The following SYT16 variants were observed in gnomAD, a reference collection of about 807,000 sequenced individuals.
SYT16 encodes synaptotagmin-16.
SYT16 carries 42 observed loss-of-function variants against 61.4 expected under a neutral mutation model. That is an observed-to-expected ratio of 0.68 (90% CI 0.53 to 0.89). The LOEUF (loss-of-function observed/expected upper bound fraction) is 0.89. Ranked by LOEUF, SYT16 falls within the 40% of genes least tolerant of loss-of-function variation. SYT16 has a pLI of 0.00. For synonymous variants in SYT16, 314 were observed against 302.3 expected, an observed-to-expected ratio of 1.04 and a Z score of -0.40; for missense variants, 804 against 807.3, an observed-to-expected ratio of 1.00 and a Z score of 0.05.
intron 2 of SYT16, among the ~76,000 whole-genome samples, chr14:61,993,240 A>G (rs1438641722): frequency 6.6e-6 from 1 of 151,492 alleles, no homozygotes. Context: ...AGGAAGGGGA[A>G]CATCACACAC....
intron 1 of SYT16, among the ~76,000 whole-genome samples, chr14:61,880,023 C>A (rs150837316): frequency 6.6e-6 from 1 of 152,324 alleles, no homozygotes; most frequent in African/African-American, 2.4e-5. Context: ...ATCATCGAAT[C>A]CAGCACCCCA....
chr14:61,820,002 T>G (rs1400681050), intron 1 of SYT16, among the ~76,000 whole-genome samples: 1 of 152,198 alleles, frequency 6.6e-6, no homozygotes, highest in Admixed American at 6.5e-5. Flanking sequence ...TACCTCATAT[T>G]ATGAGAACAA....
At chr14:62,075,428 T>C (rs754112207) in intron 5 of SYT16, 37 bp downstream of exon 5, 2 of 1,564,594 alleles carry the variant, frequency 1.3e-6, no homozygotes, top group East Asian at 2.3e-5. Flanking sequence ...ATTGGTTCCC[T>C]TTCCCCTTCC....
intron 1 of SYT16, among the ~76,000 whole-genome samples, chr14:61,814,355 G>A (rs1217217884): frequency 6.6e-6 from 1 of 152,158 alleles, no homozygotes; most frequent in Non-Finnish European, 1.5e-5. Flanking sequence ...GAGATCATGA[G>A]ATTTGGCCTT....
At chr14:61,883,118 C>G (rs1437776280) in intron 1 of SYT16, among the ~76,000 whole-genome samples, 2 of 152,212 alleles carry the variant, frequency 1.3e-5, no homozygotes, top group African/African-American at 4.8e-5. Context: ...CCCTCCTAGA[C>G]TTCCAGGCCT....
chr14:61,973,508 G>A (rs1176269516), intron 2 of SYT16, among the ~76,000 whole-genome samples: 1 of 152,126 alleles, frequency 6.6e-6, no homozygotes, highest in African/African-American at 2.4e-5. Flanking sequence ...ATGGATATCA[G>A]TTGGAACAAA....
At chr14:61,897,292 A>G (rs2140350511) in intron 1 of SYT16, 1 of 152,362 alleles carries the variant, frequency 6.6e-6, no homozygotes, top group Admixed American at 6.5e-5. Flanking sequence ...TGGAAGCAGC[A>G]TGAAATGAAG....
intron 1 of SYT16, among the ~76,000 whole-genome samples, chr14:61,934,276 A>AT (rs1183622290): frequency 1.3e-5 from 2 of 152,092 alleles, no homozygotes; most frequent in African/African-American, 2.4e-5. Flanking sequence ...CTCTGCTTAC[A>AT]TTTTTTTGTA....
intron 4 of SYT16, among the ~76,000 whole-genome samples, chr14:62,070,247 A>G (rs1170986620): frequency 6.6e-6 from 1 of 152,216 alleles, no homozygotes; most frequent in Non-Finnish European, 1.5e-5. Flanking sequence ...TCCGGAAGAT[A>G]TTTTGAAGCC....
chr14:62,078,149 C>CTATATA (rs1335844073), intron 5 of SYT16, among the ~76,000 whole-genome samples: 32 of 113,006 alleles, frequency 2.8e-4, no homozygotes, highest in African/African-American at 1.4e-3. Context: ...CTCTCTCTCT[C>CTATATA]TCTCTCTATA....
intron 1 of SYT16, among the ~76,000 whole-genome samples, chr14:61,845,678 A>G (rs1030667075): frequency 6.6e-6 from 1 of 151,890 alleles, no homozygotes; most frequent in Admixed American, 6.6e-5. Flanking sequence ...CTTCATTTCA[A>G]ATTTATTTCC....
intron 3 of SYT16, among the ~76,000 whole-genome samples, chr14:62,050,923 C>A (rs2055251785): frequency 6.6e-6 from 1 of 152,152 alleles, no homozygotes; most frequent in Non-Finnish European, 1.5e-5. Context: ...GGGTCAGGGA[C>A]CCACTTGAGG....
rs373176983 is a variant in SYT16, at chr14:61,901,596, C to T, written c.-324-68536C>T. On this transcript the variant is annotated intron_variant, in intron 1 of 7. Coordinates refer to ENST00000683842, the MANE Select transcript of SYT16 (RefSeq NM_001367656.1). Reference sequence around the variant, plus strand: ...TTCTTAACTTAATAATTCTGGGTTCCCCCTGTATCCCCATGCATTAGTTGA... The same window carrying T: ...TTCTTAACTTAATAATTCTGGGTTCTCCCTGTATCCCCATGCATTAGTTGA... Among the ~76,000 whole-genome samples the T allele has an allele frequency of 2.4e-4, 36 of 152,038 alleles. No individual in the cohort carries two copies. In the East Asian group the frequency reaches 5.0e-3, roughly 21 times the overall value.
chr14:61,900,642 G>A (rs890691032), intron 1 of SYT16, among the ~76,000 whole-genome samples: 5 of 152,130 alleles, frequency 3.3e-5, no homozygotes, highest in African/African-American at 7.2e-5. Context: ...AAGCAGCTCC[G>A]AAAGGGCAGG....
At position 62,076,760 on chromosome 14, in the gene SYT16, C is replaced by T. The variant is rs534875184; in HGVS notation, c.993+1369C>T. Among the ~76,000 whole-genome samples, 4 of 152,350 alleles carry T rather than the reference C, an allele frequency of 2.6e-5. No homozygotes were observed. In the South Asian group the frequency reaches 8.3e-4, roughly 32 times the overall value. On this transcript the variant is annotated intron_variant, in intron 5 of 7. Transcript: ENST00000683842. ...CTAACTCTTAAAAAATATTTTGAAT[C>T]TCTCTCCCAAAAACAAAACAGACCA...
At chr14:61,946,743 C>T (rs2050453788) in intron 1 of SYT16, among the ~76,000 whole-genome samples, 1 of 152,008 alleles carries the variant, frequency 6.6e-6, no homozygotes, top group Non-Finnish European at 1.5e-5. Context: ...AGGACTAGGT[C>T]CTATTCTGTG....
intron 1 of SYT16, among the ~76,000 whole-genome samples, chr14:61,969,666 G>A (rs749790581): frequency 4.6e-5 from 7 of 152,110 alleles, no homozygotes; most frequent in South Asian, 2.1e-4. Flanking sequence ...CCCTCCAATC[G>A]CTAATATTGG....
intron 2 of SYT16, among the ~76,000 whole-genome samples, chr14:61,992,055 C>T (rs1047643251): frequency 3.3e-5 from 5 of 152,110 alleles, no homozygotes; most frequent in African/African-American, 1.2e-4. Flanking sequence ...ACAGCCCTAG[C>T]ACTTGTGGAC....
intron 5 of SYT16, 135 bp from the exon 6 acceptor site, chr14:62,080,698 AC>A (rs2056676329): frequency 2.4e-6 from 2 of 836,978 alleles, no homozygotes; most frequent in Admixed American, 5.1e-5. Context: ...CAGTAAACAG[AC>A]CTATCTGATA....
Sources: allele counts gnomAD v4.1 joint callset (sites outside exome capture counted in the v4.1 genomes callset), GRCh38; gene constraint gnomAD v4.1.1; transcripts MANE v1.5; gene names NCBI Gene and HGNC (gene_info 2026-07-23, HGNC 2026-07-21).